The following XKR9 variants were observed in gnomAD, a reference collection of about 807,000 sequenced individuals.
The protein encoded by XKR9 is XK-related protein 9.
Under a neutral mutation model 32.0 loss-of-function variants are expected in XKR9, and 32 were observed. That is an observed-to-expected ratio of 1.00 (90% confidence interval 0.76 to 1.34). The LOEUF is 1.34. XKR9 is among the 40% of genes most tolerant of loss of function. The pLI is 0.00. For synonymous variants in XKR9, 168 were observed against 143.4 expected (o/e 1.17, Z -1.22); for missense variants, 546 against 429.7 (o/e 1.27, Z -2.39).
chr8:70,839,284 T>C, the XKR9 span, among the ~76,000 whole-genome samples: 19 of 152,250 alleles, frequency 1.2e-4, no homozygotes, highest in African/African-American at 4.6e-4. Context: ...AAAGCAGATA[T>C]GCTTTCAGAA....
the XKR9 span, among the ~76,000 whole-genome samples, chr8:70,876,844 G>A: frequency 6.6e-6 from 1 of 152,072 alleles, no homozygotes; most frequent in Non-Finnish European, 1.5e-5. Flanking sequence ...TACTGGAGAC[G>A]TGTTGAGATC....
the XKR9 span, among the ~76,000 whole-genome samples, chr8:71,040,078 A>G: frequency 9.2e-5 from 14 of 152,198 alleles, no homozygotes; most frequent in Non-Finnish European, 1.6e-4. Context: ...ATATACAAAG[A>G]AAGCTTAGGA....
chr8:70,857,834 C>A, the XKR9 span, among the ~76,000 whole-genome samples: 1 of 152,084 alleles, frequency 6.6e-6, no homozygotes, highest in African/African-American at 2.4e-5. Flanking sequence ...GAAATGTAAT[C>A]CAGCATATAA....
At chr8:71,036,100 T>C in the XKR9 span, among the ~76,000 whole-genome samples, 1 of 152,362 alleles carries the variant, frequency 6.6e-6, no homozygotes, top group South Asian at 2.1e-4. Flanking sequence ...TCTTCATTTC[T>C]GAAGGCTCCT....
the XKR9 span, among the ~76,000 whole-genome samples, chr8:71,056,184 TA>T: frequency 6.6e-6 from 1 of 152,182 alleles, no homozygotes; most frequent in Non-Finnish European, 1.5e-5. Flanking sequence ...AGTTTATTTC[TA>T]AACTCTTTCA....
At position 70,681,341 on chromosome 8, in the gene XKR9, A is replaced by G. The variant is rs571574377; in HGVS notation, c.272+11A>G. On this transcript the variant is annotated intron_variant, in intron 3 of 4. Coordinates refer to ENST00000408926, the MANE Select transcript of XKR9 (RefSeq NM_001011720.2). ...AGGAGTTTTTACAAGGTGAGCATAC[A>G]TGTTTAATCATTACCACTGTTTTTC... 1.4e-5 allele frequency: 22 copies of G among 1,599,160 alleles called. No homozygotes were observed. Among genetic ancestry groups the G allele is most frequent in the South Asian group, 1.3e-4 (12 of 89,054 alleles).
intron 2 of XKR9, among the ~76,000 whole-genome samples, chr8:70,773,168 T>A (rs1220221539): frequency 3.3e-5 from 5 of 152,174 alleles, no homozygotes; most frequent in African/African-American, 1.2e-4. Flanking sequence ...TATAAAAAGA[T>A]CTGGCAGATA....
chr8:70,978,684 A>C, the XKR9 span, among the ~76,000 whole-genome samples: 2 of 151,976 alleles, frequency 1.3e-5, no homozygotes, highest in Non-Finnish European at 2.9e-5. Context: ...CCTTCATTTC[A>C]ACCTTGGTGA....
At chr8:70,995,269 C>T in the XKR9 span, among the ~76,000 whole-genome samples, 1 of 152,198 alleles carries the variant, frequency 6.6e-6, no homozygotes, top group African/African-American at 2.4e-5. Context: ...ACTGTAGCCT[C>T]TGCCCATGTC....
chr8:70,842,667 A>G, the XKR9 span, among the ~76,000 whole-genome samples: 1 of 152,112 alleles, frequency 6.6e-6, no homozygotes, highest in East Asian at 1.9e-4. Context: ...TCTCATTATC[A>G]TTAATTTGCC....
the XKR9 span, among the ~76,000 whole-genome samples, chr8:71,028,642 A>G: frequency 3.3e-5 from 5 of 152,242 alleles, no homozygotes; most frequent in Non-Finnish European, 5.9e-5. Flanking sequence ...ACCATAAAAA[A>G]TGTGAGGTAA....
chr8:70,735,493 A>G lies in XKR9; in HGVS notation c.*1069A>G, dbSNP rs1014825704. ...TTATTATTATTATACTTTAAGGTTT[A>G]GGGTACATGTGCACAATGTGCAGGT... On this transcript the variant is annotated 3_prime_UTR_variant, in exon 5 of 5. Coordinates refer to ENST00000408926, the MANE Select transcript of XKR9 (RefSeq NM_001011720.2). 1.3e-5 allele frequency: 2 copies of G among 151,280 alleles called. No individual in the cohort carries two copies. Among genetic ancestry groups the G allele is most frequent in the Non-Finnish European group, 2.9e-5 (2 of 67,840 alleles). 9.4% of individuals were successfully genotyped at this position (151,280 alleles called of 1,614,324 possible). A position where few individuals can be genotyped will look rare whatever the true frequency, so the allele number is the denominator to read the frequency against.
intron 2 of XKR9, among the ~76,000 whole-genome samples, chr8:70,741,859 G>T (rs1806990208): frequency 6.6e-6 from 1 of 152,088 alleles, no homozygotes; most frequent in African/African-American, 2.4e-5. Flanking sequence ...GTTATTTTGA[G>T]GAACCTTTAT....
Position 70,735,669 on chromosome 8 carries a change from T to C in XKR9, c.*1245T>C, listed in dbSNP as rs1196618820. ...TGATGATCCCCTTCCTGTGTCCATG[T>C]GTTCTCATTGTTCAGTTCCCACCTA... On this transcript the variant is annotated 3_prime_UTR_variant, in exon 5 of 5. Coordinates refer to ENST00000408926, the MANE Select transcript of XKR9 (RefSeq NM_001011720.2). The C allele has an allele frequency of 7.3e-6, 1 of 136,504 alleles. No individual in the cohort carries two copies. The highest frequency in any genetic ancestry group is 1.5e-5 in the Non-Finnish European group (1 of 65,468). The allele number at this position is 136,504 out of a possible 1,614,324, so 8.5% of individuals were successfully genotyped here.
At chr8:70,985,694 A>G in the XKR9 span, among the ~76,000 whole-genome samples, 3 of 151,912 alleles carry the variant, frequency 2.0e-5, no homozygotes, top group African/African-American at 4.8e-5. Flanking sequence ...CCTACCCTCA[A>G]TTTTTTCTTT....
chr8:70,803,400 ATG>A, the XKR9 span, among the ~76,000 whole-genome samples: 2 of 152,092 alleles, frequency 1.3e-5, no homozygotes, highest in Non-Finnish European at 2.9e-5. Context: ...CTAAGTGTTG[ATG>A]ACCTTCATTC....
the XKR9 span, among the ~76,000 whole-genome samples, chr8:70,878,574 G>T: frequency 3.9e-5 from 6 of 152,098 alleles, no homozygotes; most frequent in African/African-American, 1.2e-4. Context: ...CTACATAATG[G>T]TAAAGGGACC....
chr8:70,764,975 C>T (rs1807355772), intron 2 of XKR9, among the ~76,000 whole-genome samples: 1 of 152,142 alleles, frequency 6.6e-6, no homozygotes, highest in South Asian at 2.1e-4. Context: ...GTCACATTTT[C>T]TTTATCCAGT....
chr8:70,776,947 C>CTCTCTCTCTCTCTATATATATATATA, intron 2 of XKR9, among the ~76,000 whole-genome samples: 76 of 54,180 alleles, frequency 1.4e-3, no homozygotes, highest in African/African-American at 5.0e-3. Flanking sequence ...CTCTCTCTCT[C>CTCTCTCTCTCTCTATATATATATATA]TATATATATA....
Sources: gnomAD v4.1 joint callset for allele counts (sites outside exome capture counted in the v4.1 genomes callset) on GRCh38, gnomAD v4.1.1 for gene constraint, MANE v1.5 for transcripts, NCBI Gene and HGNC (gene_info 2026-07-23, HGNC 2026-07-21) for gene names.